The following UNC13C variants were observed in gnomAD, a reference collection of about 807,000 sequenced individuals.
UNC13C encodes protein unc-13 homolog C.
A neutral mutation model predicts 245.4 loss-of-function variants in UNC13C; 174 were observed. The ratio of observed to expected loss-of-function variants is 0.71; its 90% CI spans 0.63 to 0.80. The LOEUF (loss-of-function observed/expected upper bound fraction) is 0.80, where lower values mean the gene tolerates loss of function less well. Among genes scored for constraint, UNC13C ranks in the 30% least tolerant of loss-of-function variants. UNC13C has a pLI of 0.00. For missense variants in UNC13C, 2,829 were observed against 2,602.9 expected (o/e 1.09, Z -1.89); for synonymous variants, 992 against 895.1 (o/e 1.11, Z -1.93).
chr15:53,971,375 A>G, the UNC13C span, among the ~76,000 whole-genome samples: 2 of 152,198 alleles, frequency 1.3e-5, no homozygotes, highest in Non-Finnish European at 2.9e-5. Flanking sequence ...GAAGAGCTTC[A>G]AGACTTTCTC....
At chr15:54,557,381 GAT>G (rs937783905) in intron 29 of UNC13C, among the ~76,000 whole-genome samples, 1 of 151,894 alleles carries the variant, frequency 6.6e-6, no homozygotes, top group Non-Finnish European at 1.5e-5. Flanking sequence ...GTATTCACCT[GAT>G]ATCTGATTTT....
chr15:54,185,318 T>C (rs1027763030), intron 4 of UNC13C, among the ~76,000 whole-genome samples: 4 of 152,082 alleles, frequency 2.6e-5, no homozygotes, highest in African/African-American at 9.7e-5. Context: ...CCATTGCTTT[T>C]GGTGTTTTAG....
At chr15:54,281,150 G>A (rs1382793766) in intron 10 of UNC13C, among the ~76,000 whole-genome samples, 1 of 152,110 alleles carries the variant, frequency 6.6e-6, no homozygotes, top group Non-Finnish European at 1.5e-5. Flanking sequence ...TATACAGACT[G>A]ACTATATAAG....
chr15:54,319,494 A>T (rs1424772016), intron 13 of UNC13C, among the ~76,000 whole-genome samples: 4 of 151,912 alleles, frequency 2.6e-5, no homozygotes, highest in Non-Finnish European at 5.9e-5. Flanking sequence ...TCCAGGGTTA[A>T]TTTGCACAAA....
At chr15:54,469,840 C>G (rs1892363932) in intron 19 of UNC13C, among the ~76,000 whole-genome samples, 1 of 151,486 alleles carries the variant, frequency 6.6e-6, no homozygotes, top group Non-Finnish European at 1.5e-5. Flanking sequence ...TTCCTGAGAT[C>G]AGAGGAGAAG....
At chr15:54,505,016 A>C (rs1461276319) in intron 22 of UNC13C, among the ~76,000 whole-genome samples, 2 of 151,924 alleles carry the variant, frequency 1.3e-5, no homozygotes, top group African/African-American at 4.8e-5. Context: ...CAGCAGAATC[A>C]CTCTCTGTAC....
intron 19 of UNC13C, among the ~76,000 whole-genome samples, chr15:54,426,992 T>C (rs1238103759): frequency 2.6e-5 from 4 of 151,848 alleles, no homozygotes. Context: ...CAGCTAGATA[T>C]ATTCTAAAGC....
At chr15:53,976,662 G>A (rs564694316), upstream of UNC13C, 5 of 151,746 alleles carry the variant, frequency 3.3e-5, no homozygotes, top group East Asian at 9.7e-4. Flanking sequence ...ATGTTTTATA[G>A]ACCGCTCATG....
At chr15:54,395,131 A>C (rs372336252) in intron 18 of UNC13C, among the ~76,000 whole-genome samples, 5 of 151,862 alleles carry the variant, frequency 3.3e-5, no homozygotes, top group African/African-American at 9.6e-5. Context: ...GTCAGATTTT[A>C]AGGATGCTGT....
the UNC13C span, among the ~76,000 whole-genome samples, chr15:53,933,178 T>C: frequency 2.9e-4 from 44 of 152,194 alleles, no homozygotes; most frequent in African/African-American, 1.0e-3. Context: ...GATAGCATCC[T>C]GTTCTTCCTT....
At chr15:54,010,198 T>C (rs1895319747) in intron 1 of UNC13C, among the ~76,000 whole-genome samples, 1 of 152,178 alleles carries the variant, frequency 6.6e-6, no homozygotes, top group African/African-American at 2.4e-5. Context: ...TGATCACCTA[T>C]CTGACAAACA....
the UNC13C span, among the ~76,000 whole-genome samples, chr15:53,970,810 C>G: frequency 6.6e-6 from 1 of 152,072 alleles, no homozygotes; most frequent in Non-Finnish European, 1.5e-5. Flanking sequence ...CCTGCATACC[C>G]CACACATGGA....
chr15:54,546,290 A>C (rs544840671), intron 26 of UNC13C, among the ~76,000 whole-genome samples: 1 of 152,222 alleles, frequency 6.6e-6, no homozygotes, highest in South Asian at 2.1e-4. Flanking sequence ...GGACACAGGG[A>C]GGGGAACATC....
intron 4 of UNC13C, among the ~76,000 whole-genome samples, chr15:54,188,576 A>G (rs900754045): frequency 1.3e-5 from 2 of 152,198 alleles, no homozygotes; most frequent in Admixed American, 6.5e-5. Flanking sequence ...GAGCAATCGC[A>G]AATGATTTTC....
intron 8 of UNC13C, among the ~76,000 whole-genome samples, chr15:54,258,288 G>A (rs550688047): frequency 5.9e-5 from 9 of 152,130 alleles, no homozygotes; most frequent in East Asian, 3.9e-4. Context: ...GACACCGTCC[G>A]CGTGAGAGTT....
chr15:54,179,727 TA>T (rs1300511033), intron 4 of UNC13C, among the ~76,000 whole-genome samples: 3 of 151,976 alleles, frequency 2.0e-5, no homozygotes, highest in Non-Finnish European at 4.4e-5. Context: ...AATCAATATT[TA>T]AAAATCAAAA....
intron 30 of UNC13C, among the ~76,000 whole-genome samples, chr15:54,605,279 T>C (rs1162716943): frequency 2.0e-5 from 3 of 152,190 alleles, no homozygotes; most frequent in African/African-American, 4.8e-5. Flanking sequence ...CAGTGCCATG[T>C]AGAATCACTG....
intron 10 of UNC13C, among the ~76,000 whole-genome samples, chr15:54,268,016 A>G (rs945364974): frequency 5.3e-5 from 8 of 151,892 alleles, no homozygotes; most frequent in Non-Finnish European, 1.2e-4. Context: ...TTACATAGGT[A>G]TACATGTTCC....
chr15:54,586,299 T>C (rs932800717), intron 30 of UNC13C, among the ~76,000 whole-genome samples: 1 of 152,218 alleles, frequency 6.6e-6, no homozygotes, highest in African/African-American at 2.4e-5. Context: ...ATACTACAGA[T>C]TGGGTAACTT....
Sources: gnomAD v4.1 joint callset for allele counts (sites outside exome capture counted in the v4.1 genomes callset) on GRCh38, gnomAD v4.1.1 for gene constraint, MANE v1.5 for transcripts, NCBI Gene and HGNC (gene_info 2026-07-23, HGNC 2026-07-21) for gene names.